Variants in CCDC198 observed in about 807,000 individuals in gnomAD.
The protein encoded by CCDC198 is coiled-coil domain containing 198.
A neutral mutation model predicts 35.6 loss-of-function variants in CCDC198; 18 were observed. The observed-to-expected ratio is 0.51, with a 90% confidence interval of 0.35 to 0.75. The LOEUF (loss-of-function observed/expected upper bound fraction) is 0.75. Among genes scored for constraint, CCDC198 ranks in the 30% least tolerant of loss-of-function variants. CCDC198 has a pLI of 0.01. For missense variants in CCDC198, 365 were observed against 343.7 expected, an observed-to-expected ratio of 1.06 and a Z score of -0.49; for synonymous variants, 119 against 113.4, an observed-to-expected ratio of 1.05 and a Z score of -0.31.
intron 2 of CCDC198, among the ~76,000 whole-genome samples, chr14:57,487,742 T>C (rs1425014435): frequency 6.6e-6 from 1 of 152,216 alleles, no homozygotes; most frequent in Non-Finnish European, 1.5e-5. Context: ...TTTGGTTTAA[T>C]AATTTAAAAT....
chr14:57,487,632 G>A (rs892083544), intron 2 of CCDC198, among the ~76,000 whole-genome samples: 2 of 152,162 alleles, frequency 1.3e-5, no homozygotes, highest in Non-Finnish European at 2.9e-5. Flanking sequence ...CTCCAGGCTG[G>A]ATAACGCTAG....
intron 1 of CCDC198, among the ~76,000 whole-genome samples, chr14:57,493,148 T>C (rs2067633095): frequency 6.6e-6 from 1 of 152,194 alleles, no homozygotes; most frequent in Admixed American, 6.6e-5. Context: ...TGAAACGCGA[T>C]TGCTATCATT....
In CCDC198 at chr14:57,476,230, T is replaced by C. The variant is rs111560907; in HGVS notation, c.655+4365A>G. ...GAAACTGAGGTTCCTGGAGGTTAAA[T>C]AACTAGAATTTAGCTATATTCTTTC... On this transcript the variant is annotated intron_variant, in intron 5 of 5. Transcript: ENST00000216445. Among the ~76,000 whole-genome samples the C allele has an allele frequency of 4.8e-3, 727 of 152,332 alleles. 8 individuals are homozygous for C. The highest frequency in any genetic ancestry group is 0.017 in the African/African-American group (691 of 41,580).
intron 2 of CCDC198, 176 bp from the exon 3 acceptor site, chr14:57,483,327 C>A (rs2067249749): frequency 3.4e-6 from 3 of 890,328 alleles, no homozygotes; most frequent in Admixed American, 5.4e-5. Context: ...GGCTTTTCAA[C>A]CTATCTGGGT....
At chr14:57,478,809 T>C in intron 5 of CCDC198, 3 of 1,113,458 alleles carry the variant, frequency 2.7e-6, no homozygotes, top group Non-Finnish European at 3.3e-6. Flanking sequence ...TCTTATTTAA[T>C]TAACTTATTG....
At position 57,471,534 on chromosome 14, in the gene CCDC198, A is replaced by T. The variant is rs369678249; in HGVS notation, c.712T>A (p.Trp238Arg). The T allele has an allele frequency of 1.2e-6, 2 of 1,613,608 alleles. No individual in the cohort carries two copies. Among genetic ancestry groups the T allele is most frequent in the South Asian group, 2.2e-5 (2 of 91,014 alleles). ...CATGTTTCCATTTTGCCAATTTTCCAGGGACAGTAGTTATTCACTGCTTGA... is the reference window on the plus strand; with the variant it reads ...CATGTTTCCATTTTGCCAATTTTCCTGGGACAGTAGTTATTCACTGCTTGA... ...KHQAVNNYCP[W>R]KIGKMETWLH... Residue 238 changes from tryptophan (W) to arginine (R), a missense_variant, in exon 6 of 6, where the codon TGG (tryptophan) becomes AGG (arginine). By Grantham distance (101) the Trp-to-Arg change is moderately radical. Transcript: ENST00000216445.
intron 1 of CCDC198, among the ~76,000 whole-genome samples, chr14:57,491,492 G>C (rs1384487151): frequency 6.6e-6 from 1 of 152,038 alleles, no homozygotes; most frequent in Non-Finnish European, 1.5e-5. Context: ...AATCTTCTTA[G>C]ATGAAATAGA....
intron 3 of CCDC198, 74 bp downstream of exon 3, chr14:57,482,991 G>C (rs775802379): frequency 1.2e-6 from 2 of 1,600,950 alleles, no homozygotes; most frequent in Non-Finnish European, 1.7e-6. Flanking sequence ...GAAAGGACCA[G>C]TGTGCTCCAG....
chr14:57,480,907 G>A (rs931044941), intron 4 of CCDC198, among the ~76,000 whole-genome samples, 153 bp from the exon 5 acceptor site: 3 of 152,284 alleles, frequency 2.0e-5, no homozygotes, highest in African/African-American at 7.2e-5. Context: ...CTATTAGAAG[G>A]TATGGGAACT....
At chr14:57,481,928 A>G (rs536092434) in intron 3 of CCDC198, among the ~76,000 whole-genome samples, 1 of 152,312 alleles carries the variant, frequency 6.6e-6, no homozygotes, top group African/African-American at 2.4e-5. Flanking sequence ...ATCTTTCCAC[A>G]TCTCATTTTT....
intron 1 of CCDC198, among the ~76,000 whole-genome samples, chr14:57,492,357 T>C (rs1410767334): frequency 6.6e-6 from 1 of 152,096 alleles, no homozygotes; most frequent in African/African-American, 2.4e-5. Context: ...ATCTTTTTTT[T>C]CTTTTAATTG....
chr14:57,491,525 A>G (rs995926610), intron 1 of CCDC198, among the ~76,000 whole-genome samples: 2 of 152,168 alleles, frequency 1.3e-5, no homozygotes, highest in African/African-American at 2.4e-5. Flanking sequence ...AGGTGATTAT[A>G]CAGAGATGAG....
intron 5 of CCDC198, 58 bp downstream of exon 5, chr14:57,480,537 T>G: frequency 6.3e-7 from 1 of 1,578,362 alleles, no homozygotes; most frequent in Admixed American, 1.7e-5. Context: ...TGGTAGTTTA[T>G]TTGATGAAGT....
chr14:57,492,799 A>G (rs2067620756), intron 1 of CCDC198, among the ~76,000 whole-genome samples: 1 of 152,064 alleles, frequency 6.6e-6, no homozygotes, highest in African/African-American at 2.4e-5. Flanking sequence ...ATAAACATAT[A>G]TTTTTCTAAG....
chr14:57,480,784 G>A, intron 4 of CCDC198, 30 bp from the exon 5 acceptor site: 6 of 1,610,986 alleles, frequency 3.7e-6, no homozygotes, highest in Non-Finnish European at 4.2e-6. Context: ...AATGATCAAT[G>A]TTCTTCCCAA....
At chr14:57,487,543 GGAC>G (rs1305933779) in intron 2 of CCDC198, among the ~76,000 whole-genome samples, 1 of 152,032 alleles carries the variant, frequency 6.6e-6, no homozygotes, top group African/African-American at 2.4e-5. Context: ...AGGCCAGAGG[GGAC>G]AGTGCTAATC....
rs1306859428 is a variant in CCDC198 at position 57,477,940 on chromosome 14, T to C, written c.655+2655A>G. ...CTCGAACCCCTGACCTCAGGTGATC[T>C]ACCCACCTTTGCCTCCCAAAGTGCT... On this transcript the variant is annotated intron_variant, in intron 5 of 5. Coordinates refer to ENST00000216445, the MANE Select transcript of CCDC198 (RefSeq NM_018168.4). Among the ~76,000 whole-genome samples, 4 of 152,098 alleles carry C rather than the reference T, an allele frequency of 2.6e-5. No individual in the cohort carries two copies. In the South Asian group the frequency reaches 8.3e-4, roughly 32 times the overall value.
rs556110701 is a variant in CCDC198 at position 57,478,938 on chromosome 14, GGT to G, written c.655+1655_655+1656del. ...CTTTTCTGCAGCTCTCTCAGCGGTGGGTCAGTCCTGCTGATGTGGGGATTTGG... is the reference window on the plus strand; with the variant it reads ...CTTTTCTGCAGCTCTCTCAGCGGTGGCAGTCCTGCTGATGTGGGGATTTGG... On this transcript the variant is annotated intron_variant, in intron 5 of 5. Coordinates refer to ENST00000216445, the MANE Select transcript of CCDC198 (RefSeq NM_018168.4). 2.0e-4 allele frequency: 253 copies of G among 1,285,180 alleles called. No individual in the cohort carries two copies. In the African/African-American group the frequency reaches 3.5e-3, roughly 18 times the overall value. 79.6% of individuals were successfully genotyped at this position (1,285,180 alleles called of 1,614,324 possible). A position where few individuals can be genotyped will look rare whatever the true frequency, so the allele number is the denominator to read the frequency against.
chr14:57,476,920 A>G (rs2067016900), intron 5 of CCDC198, among the ~76,000 whole-genome samples: 3 of 152,364 alleles, frequency 2.0e-5, no homozygotes, highest in Admixed American at 2.0e-4. Context: ...GGAATAAGCA[A>G]AAAGGAATCA....
Sources: gnomAD v4.1 joint callset for allele counts (sites outside exome capture counted in the v4.1 genomes callset) on GRCh38, gnomAD v4.1.1 for gene constraint, MANE v1.5 for transcripts, NCBI Gene and HGNC (gene_info 2026-07-23, HGNC 2026-07-21) for gene names.